Variants in CSF2RA observed in about 807,000 individuals in gnomAD.
The protein encoded by CSF2RA is granulocyte-macrophage colony-stimulating factor receptor subunit alpha.
A neutral mutation model predicts 51.6 loss-of-function variants in CSF2RA; 42 were observed. That is an observed-to-expected ratio of 0.81 (90% CI 0.64 to 1.05). CSF2RA has a LOEUF of 1.05. CSF2RA is among the 50% of genes least tolerant of loss of function. The probability of loss-of-function intolerance (pLI) is 0.00; values close to 1 mark genes in which losing one functional copy is unlikely to be tolerated. For synonymous variants in CSF2RA, 222 were observed against 193.0 expected (o/e 1.15, Z -1.24); for missense variants, 530 against 501.1 (o/e 1.06, Z -0.55).
chrX:1,285,826 C>G lies in CSF2RA; in HGVS notation c.125C>G (p.Ser42Cys), dbSNP rs1465391401. The change falls in exon 4 of 13, where the codon TCC becomes TGC. Residue 42 changes from serine to cysteine, a missense_variant. By Grantham distance (112) the Ser-to-Cys change is moderately radical (BLOSUM62 -1). Transcript: ENST00000381529. ...TCTAGTCTCAATGTGAGGTTTGACT[C>G]CAGGACGATGAATTTAAGCTGGGAC... is the stretch of plus-strand genomic sequence containing the variant. Reference protein sequence around the residue: ...PASSLNVRFDSRTMNLSWDCQ... With the variant: ...PASSLNVRFDCRTMNLSWDCQ... 8 of 1,613,666 alleles carry G rather than the reference C, an allele frequency of 5.0e-6. No homozygotes were observed. The highest frequency in any genetic ancestry group is 1.1e-5 in the South Asian group (1 of 91,052).
intron 6 of CSF2RA, 151 bp downstream of exon 6, chrX:1,289,039 G>A: frequency 9.6e-7 from 1 of 1,045,156 alleles, no homozygotes; most frequent in Non-Finnish European, 1.4e-6. Context: ...TCGGCTCACT[G>A]CAACCTCGAC....
intron 3 of CSF2RA, among the ~76,000 whole-genome samples, chrX:1,283,787 C>T (rs1321701502): frequency 6.6e-6 from 1 of 151,918 alleles, no homozygotes; most frequent in Non-Finnish European, 1.5e-5. Flanking sequence ...CCAGGCTGGT[C>T]TCAATCTCCT....
chrX:1,284,874 C>A (rs1442663493), intron 3 of CSF2RA, among the ~76,000 whole-genome samples: 1 of 151,886 alleles, frequency 6.6e-6, no homozygotes, highest in Non-Finnish European at 1.5e-5. Flanking sequence ...ACCACATTGG[C>A]CAGGCTGGTC....
chrX:1,280,487 A>AG, intron 2 of CSF2RA, among the ~76,000 whole-genome samples: 3 of 147,812 alleles, frequency 2.0e-5, no homozygotes, highest in Non-Finnish European at 3.0e-5. Context: ...AAAAAAAAAA[A>AG]AAAGAAGAAG....
chrX:1,298,647 GTGGAA>G (rs1569507862), intron 9 of CSF2RA, among the ~76,000 whole-genome samples: 1,441 of 8,142 alleles, frequency 0.18, 136 homozygotes, highest in African/African-American at 0.26. Context: ...ATGACCCCTG[GTGGAA>G]CCCTACAGTC....
chrX:1,281,030 C>A (rs2089939394), intron 2 of CSF2RA, among the ~76,000 whole-genome samples: 4 of 90,870 alleles, frequency 4.4e-5, no homozygotes, highest in African/African-American at 7.3e-5. Context: ...TCCTTCTCCT[C>A]CTCCTCATTC....
At chrX:1,310,318 C>G (rs1336960860), downstream of CSF2RA, 2 of 150,938 alleles carry the variant, frequency 1.3e-5, no homozygotes, top group African/African-American at 4.9e-5. Context: ...GCTGAGATTG[C>G]GCCATTGCAA....
At chrX:1,300,925 C>A (rs763756595) in intron 10 of CSF2RA, among the ~76,000 whole-genome samples, 1 of 151,308 alleles carries the variant, frequency 6.6e-6, no homozygotes, top group Non-Finnish European at 1.5e-5. Flanking sequence ...AGGCTGAGGC[C>A]GGCGGATCAC....
chrX:1,270,710 C>T (rs781443616), intron 1 of CSF2RA, among the ~76,000 whole-genome samples: 7 of 151,430 alleles, frequency 4.6e-5, no homozygotes, highest in African/African-American at 1.7e-4. Flanking sequence ...CCAGGGAATG[C>T]TGCCCAGCCT....
At chrX:1,295,397 G>A (rs747239569) in intron 8 of CSF2RA, 30 bp from the exon 9 acceptor site, 1 of 1,613,290 alleles carries the variant, frequency 6.2e-7, no homozygotes, top group African/African-American at 1.3e-5. Flanking sequence ...GAAACAGTGA[G>A]CCTTGTGTTG....
At chrX:1,316,045 C>T in the CSF2RA span, among the ~76,000 whole-genome samples, 32 of 58,246 alleles carry the variant, frequency 5.5e-4, no homozygotes, top group East Asian at 1.4e-3. Flanking sequence ...GACCAATAGA[C>T]AGATAGATAG....
rs2090985290 is a variant in CSF2RA at position 1,288,197 on chromosome X, C to T, written c.220-322C>T. ...GCCAAATCCAGGTAAAAACCAATAC[C>T]ATGGCCGGGCATGGTGGCTCACGCC... On this transcript the variant is annotated intron_variant, in intron 4 of 12. Transcript: ENST00000381529. Among the ~76,000 whole-genome samples the T allele has an allele frequency of 2.6e-5, 4 of 151,362 alleles. No individual in the cohort carries two copies. The East Asian group carries it at 5.9e-4, about 22-fold the overall frequency.
At chrX:1,324,460 G>C in the CSF2RA span, among the ~76,000 whole-genome samples, 2 of 104,834 alleles carry the variant, frequency 1.9e-5, no homozygotes, top group Admixed American at 1.1e-4. Flanking sequence ...GAAAAAGAAA[G>C]AGAAAGGGCA....
intron 2 of CSF2RA, among the ~76,000 whole-genome samples, chrX:1,275,475 C>T (rs1225443114): frequency 6.6e-6 from 1 of 152,078 alleles, no homozygotes; most frequent in Non-Finnish European, 1.5e-5. Flanking sequence ...CTAAAGAGAT[C>T]CTGAGAACAC....
At position 1,300,387 on chromosome X, in the gene CSF2RA, AAAAG is replaced by A. The variant is rs1247725835; in HGVS notation, c.811-100_811-97del. 3.3e-5 allele frequency: 46 copies of A among 1,402,100 alleles called. No individual in the cohort carries two copies. In the East Asian group the frequency reaches 1.0e-3, roughly 32 times the overall value. The allele number at this position is 1,402,100 out of a possible 1,614,324, so 86.9% of individuals were successfully genotyped here. A position where few individuals can be genotyped will look rare whatever the true frequency, so the allele number is the denominator to read the frequency against. On this transcript the variant is annotated intron_variant, in intron 9 of 12. Transcript: ENST00000381529. ...GTAGAAAAAAAAGAAGAAAAAGAAA[AAAAG>A]AAAAGGAGAAAAAAACTTAAAAGAC...
Position 1,309,613 on chromosome X carries a change from G to A in CSF2RA, c.*134G>A, listed in dbSNP as rs200446417. 1.9e-5 allele frequency: 31 copies of A among 1,611,300 alleles called. No individual in the cohort carries two copies. Among genetic ancestry groups the A allele is most frequent in the Admixed American group, 1.0e-4 (6 of 59,980 alleles). On this transcript the variant is annotated 3_prime_UTR_variant, in exon 13 of 13. Coordinates refer to ENST00000381529, the MANE Select transcript of CSF2RA (RefSeq NM_172245.4). The stretch of plus-strand genomic sequence containing the variant: ...AAAAACATGACATTTGGGGCCAGGC[G>A]CGGTGGCTCACGCCTGTAATCCCAG...
At chrX:1,318,038 G>A in the CSF2RA span, among the ~76,000 whole-genome samples, 1 of 151,692 alleles carries the variant, frequency 6.6e-6, no homozygotes, top group Admixed American at 6.6e-5. Flanking sequence ...ACCCAGGCTG[G>A]AGTGCAGTGG....
In CSF2RA at chrX:1,300,588, T is replaced by C; in HGVS notation, c.908T>C (p.Ile303Thr). Residue 303 changes from isoleucine to threonine, a missense_variant, in exon 10 of 13, where the codon ATC becomes ACC. Physicochemically the swap from Ile to Thr is moderately conservative, Grantham distance 89. Coordinates refer to ENST00000381529, the MANE Select transcript of CSF2RA (RefSeq NM_172245.4). ...SVKIRAADVR[I>T]LNWSSWSEAI... ...AAGATCAGAGCTGCAGACGTCCGCA[T>C]CTTGAATTGGAGCTCCTGGAGTGAA... The C allele has an allele frequency of 1.2e-6, 2 of 1,613,870 alleles. No individual in the cohort carries two copies. Among genetic ancestry groups the C allele is most frequent in the Non-Finnish European group, 1.7e-6 (2 of 1,179,856 alleles).
At chrX:1,314,266 TGCGCCTGC>T (rs2084328546), downstream of CSF2RA, among the ~76,000 whole-genome samples, 3 of 22,822 alleles carry the variant, frequency 1.3e-4, 1 homozygote, top group Admixed American at 1.3e-3. Flanking sequence ...CCAACCCCAC[TGCGCCTGC>T]CCAACCCCAC....
Sources: gnomAD v4.1 joint callset for allele counts (sites outside exome capture counted in the v4.1 genomes callset) on GRCh38, gnomAD v4.1.1 for gene constraint, MANE v1.5 for transcripts, NCBI Gene and HGNC (gene_info 2026-07-23, HGNC 2026-07-21) for gene names.